GRID1: variants seen among roughly 807,000 people sequenced by gnomAD.
GRID1 encodes the protein glutamate receptor ionotropic, delta-1.
GRID1 carries 28 observed loss-of-function variants against 98.0 expected under a neutral mutation model. The observed-to-expected ratio is 0.29, with a 90% CI of 0.21 to 0.39. The LOEUF is 0.39. GRID1 is among the 10% of genes least tolerant of loss of function. The pLI, the probability that GRID1 is intolerant of heterozygous loss-of-function variation, is 1.00. For synonymous variants in GRID1, 553 were observed against 538.5 expected (o/e 1.03, Z -0.37); for missense variants, 1,111 against 1,340.5 (o/e 0.83, Z 2.67).
chr10:85,896,953 A>G (rs1480086003), intron 5 of GRID1, among the ~76,000 whole-genome samples: 4 of 152,220 alleles, frequency 2.6e-5, no homozygotes, highest in Admixed American at 6.5e-5. Flanking sequence ...GATTCCTCCA[A>G]TGACAGAATA....
chr10:85,893,254 C>T (rs1007795837), intron 5 of GRID1, among the ~76,000 whole-genome samples: 20 of 152,146 alleles, frequency 1.3e-4, no homozygotes, highest in Non-Finnish European at 2.5e-4. Flanking sequence ...AGGATATCAA[C>T]AATCAACCTA....
At chr10:86,104,835 G>GGCCAGGACA in intron 4 of GRID1, among the ~76,000 whole-genome samples, 1 of 152,324 alleles carries the variant, frequency 6.6e-6, no homozygotes, top group South Asian at 2.1e-4. Context: ...ACAGTGCACT[G>GGCCAGGACA]GACCTTCATG....
chr10:85,626,470 T>G lies in GRID1; in HGVS notation c.2194-6437A>C, dbSNP rs544920868. ...ATGGCAATGCCTGTCTTTCCCTAGCTTTAGAAACAAAAGTGTTTCATGGAG... is the reference window on the plus strand; with the variant it reads ...ATGGCAATGCCTGTCTTTCCCTAGCGTTAGAAACAAAAGTGTTTCATGGAG... On this transcript the variant is annotated intron_variant, in intron 13 of 15. Transcript: ENST00000327946. Among the ~76,000 whole-genome samples, 15 of 152,326 alleles carry G rather than the reference T, an allele frequency of 9.8e-5. 1 individual carries two copies. In the East Asian group the frequency reaches 2.9e-3, roughly 29 times the overall value.
At chr10:86,278,396 A>C (rs1304230402) in intron 2 of GRID1, among the ~76,000 whole-genome samples, 1 of 151,296 alleles carries the variant, frequency 6.6e-6, no homozygotes, top group Admixed American at 6.6e-5. Flanking sequence ...AATTAAACCC[A>C]AAGTAAATAG....
chr10:86,081,005 TG>T (rs1239744300), intron 4 of GRID1, among the ~76,000 whole-genome samples: 2 of 152,080 alleles, frequency 1.3e-5, no homozygotes, highest in Admixed American at 1.3e-4. Flanking sequence ...AGGCAGATGC[TG>T]CAGAGCCCAC....
At chr10:86,104,562 C>T (rs1321333505) in intron 4 of GRID1, among the ~76,000 whole-genome samples, 1 of 152,218 alleles carries the variant, frequency 6.6e-6, no homozygotes, top group Non-Finnish European at 1.5e-5. Flanking sequence ...CAGCATGACA[C>T]AAAGGGAGCA....
chr10:86,279,239 T>C (rs536049026), intron 2 of GRID1, among the ~76,000 whole-genome samples: 1 of 152,300 alleles, frequency 6.6e-6, no homozygotes, highest in South Asian at 2.1e-4. Context: ...TGGACCATAT[T>C]GGTATCCCCC....
chr10:85,673,112 A>G (rs7069576), intron 12 of GRID1, among the ~76,000 whole-genome samples: 8,027 of 152,298 alleles, frequency 0.053, 246 homozygotes, highest in African/African-American at 0.075. Flanking sequence ...CAGTGGAGGA[A>G]GTAACTGCAT....
chr10:86,040,100 G>A (rs1384539101), intron 4 of GRID1, among the ~76,000 whole-genome samples: 1 of 152,162 alleles, frequency 6.6e-6, no homozygotes, highest in Admixed American at 6.5e-5. Context: ...AAAAAGCAGA[G>A]TTAAGATGGT....
At chr10:85,965,410 G>A (rs891188908) in intron 4 of GRID1, among the ~76,000 whole-genome samples, 4 of 152,178 alleles carry the variant, frequency 2.6e-5, no homozygotes, top group African/African-American at 9.7e-5. Flanking sequence ...TGATAGCCTG[G>A]ATAAGGAAAA....
At chr10:86,222,599 G>A (rs879941844) in intron 2 of GRID1, among the ~76,000 whole-genome samples, 13 of 152,178 alleles carry the variant, frequency 8.5e-5, no homozygotes, top group Non-Finnish European at 1.3e-4. Context: ...TCTGAAAGAC[G>A]CACCCCAGGA....
chr10:85,752,590 C>A (rs1207777229), intron 8 of GRID1, among the ~76,000 whole-genome samples: 1 of 152,110 alleles, frequency 6.6e-6, no homozygotes, highest in East Asian at 1.9e-4. Flanking sequence ...ATACTTATGG[C>A]AAGGTTCATT....
chr10:85,827,214 A>G (rs571682403), intron 8 of GRID1, among the ~76,000 whole-genome samples: 7 of 152,330 alleles, frequency 4.6e-5, no homozygotes, highest in Non-Finnish European at 1.0e-4. Context: ...AACCCAATTC[A>G]AGGAGTCTAA....
chr10:86,005,798 C>A (rs1842853944), intron 4 of GRID1, among the ~76,000 whole-genome samples: 1 of 152,188 alleles, frequency 6.6e-6, no homozygotes, highest in African/African-American at 2.4e-5. Flanking sequence ...CAAAGATTTG[C>A]CTGACAGCAG....
At chr10:85,804,084 A>G (rs1014716777) in intron 8 of GRID1, among the ~76,000 whole-genome samples, 11 of 151,796 alleles carry the variant, frequency 7.2e-5, no homozygotes, top group African/African-American at 1.9e-4. Flanking sequence ...ATATATAAAG[A>G]CAAAAATTCA....
intron 12 of GRID1, among the ~76,000 whole-genome samples, chr10:85,669,285 T>A (rs1256253465): frequency 6.6e-6 from 1 of 152,192 alleles, no homozygotes; most frequent in Non-Finnish European, 1.5e-5. Context: ...GGGGCCCCCA[T>A]GAGCCAGGCA....
At chr10:85,990,324 A>T (rs1049778756) in intron 4 of GRID1, among the ~76,000 whole-genome samples, 4 of 152,200 alleles carry the variant, frequency 2.6e-5, no homozygotes, top group Admixed American at 1.3e-4. Flanking sequence ...TTTTATTCTT[A>T]CACTCAACAG....
chr10:85,649,188 C>T (rs144097379), intron 12 of GRID1, among the ~76,000 whole-genome samples: 9 of 152,138 alleles, frequency 5.9e-5, no homozygotes, highest in Admixed American at 3.3e-4. Context: ...CCTGGACCAA[C>T]GCTGACAGCA....
intron 3 of GRID1, among the ~76,000 whole-genome samples, chr10:86,181,219 G>T (rs1019353391): frequency 2.6e-5 from 4 of 152,156 alleles, no homozygotes; most frequent in African/African-American, 9.7e-5. Context: ...CCCACCCAAG[G>T]CCTCCCACTG....
Sources: allele counts gnomAD v4.1 joint callset (sites outside exome capture counted in the v4.1 genomes callset), GRCh38; gene constraint gnomAD v4.1.1; transcripts MANE v1.5; gene names NCBI Gene and HGNC (gene_info 2026-07-23, HGNC 2026-07-21).